Variants in CACNA1B observed in about 807,000 individuals in gnomAD.
CACNA1B encodes the protein voltage-dependent N-type calcium channel subunit alpha-1B.
CACNA1B carries 70 observed loss-of-function variants against 247.2 expected under a neutral mutation model. The ratio of observed to expected loss-of-function variants is 0.28; its 90% CI spans 0.23 to 0.35. The LOEUF is 0.35. CACNA1B is among the 10% of genes least tolerant of loss of function. The probability of loss-of-function intolerance (pLI) is 1.00; values close to 1 mark genes in which losing one functional copy is unlikely to be tolerated. For synonymous variants in CACNA1B, 1,231 were observed against 1,294.4 expected, an observed-to-expected ratio of 0.95 and a Z score of 1.05; for missense variants, 2,367 against 3,197.4, an observed-to-expected ratio of 0.74 and a Z score of 6.26.
chr9:137,996,671 A>T (rs1264117949), intron 15 of CACNA1B, among the ~76,000 whole-genome samples: 2 of 152,194 alleles, frequency 1.3e-5, no homozygotes, highest in Admixed American at 1.3e-4. Context: ...AATTTTAAAA[A>T]ATTTAATAAT....
Position 138,037,681 on chromosome 9 carries a change from AAG to A in CACNA1B, c.3287-6087_3287-6086del, listed in dbSNP as rs369852833. Among the ~76,000 whole-genome samples the A allele has an allele frequency of 7.7e-3, 1,174 of 152,166 alleles. 8 individuals carry two copies. Among genetic ancestry groups the A allele is most frequent in the African/African-American group, 0.026 (1,080 of 41,512 alleles). ...CTCAAAAAAAACAAACAAAAAAAAA[AAG>A]AGAGAAAAAATCCAGTTCCCTTCTT... On this transcript the variant is annotated intron_variant, in intron 20 of 46. Transcript: ENST00000371372.
rs539344295 is a variant in CACNA1B at position 137,998,250 on chromosome 9, T to A, written c.1975-8517T>A. ...TATTCATTGCATCTTTCGGAGTGTT[T>A]AAAATATTGTGTAATTGAAAAATAA... On this transcript the variant is annotated intron_variant, in intron 15 of 46. Coordinates refer to ENST00000371372, the MANE Select transcript of CACNA1B (RefSeq NM_000718.4). Among the ~76,000 whole-genome samples, 3 of 152,258 alleles carry A rather than the reference T, an allele frequency of 2.0e-5. No individual in the cohort carries two copies. The East Asian group carries it at 5.8e-4, about 29-fold the overall frequency.
At chr9:138,108,375 G>T (rs900829837) in intron 39 of CACNA1B, among the ~76,000 whole-genome samples, 7 of 145,756 alleles carry the variant, frequency 4.8e-5, no homozygotes, top group Non-Finnish European at 9.0e-5. Context: ...ATTAAGTTTA[G>T]AGTGGAAAAA....
intron 18 of CACNA1B, among the ~76,000 whole-genome samples, chr9:138,013,919 C>T (rs963772339): frequency 1.3e-5 from 2 of 152,204 alleles, no homozygotes; most frequent in Admixed American, 1.3e-4. Context: ...TTACTGGGAG[C>T]TTGTTCTCTA....
intron 39 of CACNA1B, among the ~76,000 whole-genome samples, chr9:138,106,922 G>A (rs1961448024): frequency 2.0e-5 from 3 of 152,094 alleles, no homozygotes; most frequent in South Asian, 2.1e-4. Context: ...AGGCCTCCAC[G>A]TTGCTCGACT....
At chr9:137,879,206 ACTCCAC>A in intron 2 of CACNA1B, 47 bp downstream of exon 2, 1 of 1,228,706 alleles carries the variant, frequency 8.1e-7, no homozygotes. Flanking sequence ...GGAGGCCGCG[ACTCCAC>A]TTTCCTTTAT....
intron 20 of CACNA1B, among the ~76,000 whole-genome samples, chr9:138,040,161 A>G (rs1047101035): frequency 5.3e-5 from 8 of 151,534 alleles, no homozygotes; most frequent in African/African-American, 1.9e-4. Context: ...CTGGTCTTGA[A>G]CTCCTGGGCT....
intron 3 of CACNA1B, among the ~76,000 whole-genome samples, chr9:137,905,517 A>T (rs549114641): frequency 6.6e-6 from 1 of 152,292 alleles, no homozygotes; most frequent in South Asian, 2.1e-4. Context: ...CTGTAACTAG[A>T]CCTTCCTAAG....
chr9:138,105,623 A>AC, intron 38 of CACNA1B, 76 bp from the exon 39 acceptor site: 1 of 781,206 alleles, frequency 1.3e-6, no homozygotes, highest in Non-Finnish European at 2.2e-6. Flanking sequence ...GCATCCAGGG[A>AC]CCCCATCATT....
intron 18 of CACNA1B, among the ~76,000 whole-genome samples, chr9:138,016,160 A>G (rs1314293454): frequency 6.6e-6 from 1 of 152,088 alleles, no homozygotes; most frequent in African/African-American, 2.4e-5. Flanking sequence ...AATCTCACAC[A>G]TTCACACACA....
intron 6 of CACNA1B, among the ~76,000 whole-genome samples, chr9:137,947,847 C>T (rs369277663): frequency 4.6e-5 from 7 of 151,968 alleles, no homozygotes; most frequent in South Asian, 4.2e-4. Flanking sequence ...TTTTCTGCTG[C>T]GTTCAAGATT....
chr9:137,923,015 AC>A (rs1957504965), intron 6 of CACNA1B, among the ~76,000 whole-genome samples: 1 of 152,226 alleles, frequency 6.6e-6, no homozygotes. Flanking sequence ...TGAGAATGTT[AC>A]GTGGACAAAA....
chr9:138,107,255 TTTATTTATTTA>T (rs765009467), intron 39 of CACNA1B, among the ~76,000 whole-genome samples: 1,628 of 106,056 alleles, frequency 0.015, 15 homozygotes, highest in Middle Eastern at 0.027. Flanking sequence ...TATTTATTTA[TTTATTTATTTA>T]TATAGGGTCT....
intron 20 of CACNA1B, chr9:138,040,506 T>C (rs1050250686): frequency 1.0e-5 from 4 of 385,716 alleles, no homozygotes; most frequent in Non-Finnish European, 2.0e-5. Context: ...AAATGATATA[T>C]GTATGGGAGT....
At position 137,917,069 on chromosome 9, in the gene CACNA1B, G is replaced by A. The variant is rs1957421125; in HGVS notation, c.776-172G>A. 6.6e-6 allele frequency among the ~76,000 whole-genome samples: 1 copy of A among 152,184 alleles called. No individual in the cohort carries two copies. Among genetic ancestry groups the A allele is most frequent in the East Asian group, 1.9e-4 (1 of 5,192 alleles). ...CTCGTGAGCTCGGGGTCAGCAAGAG[G>A]CGATGCCTGATGCAGATTCGAGGAG... On this transcript the variant is annotated intron_variant, in intron 5 of 46. Coordinates refer to ENST00000371372, the MANE Select transcript of CACNA1B (RefSeq NM_000718.4). This position sits in a 1 kb window ranked among gnomAD's most constrained non-coding sequence, Gnocchi z 5.5.
intron 20 of CACNA1B, among the ~76,000 whole-genome samples, chr9:138,034,733 T>G (rs1183945014): frequency 3.3e-5 from 5 of 152,182 alleles, no homozygotes; most frequent in Non-Finnish European, 7.3e-5. Flanking sequence ...ATTTTCTTTC[T>G]TCCTTCTACC....
intron 3 of CACNA1B, among the ~76,000 whole-genome samples, chr9:137,898,842 C>A (rs1475239730): frequency 6.6e-6 from 1 of 151,970 alleles, no homozygotes; most frequent in Admixed American, 6.6e-5. Flanking sequence ...TCCCCATGCC[C>A]ACTTAATTTT....
chr9:138,107,218 TTTTA>T lies in CACNA1B; in HGVS notation c.5428+1457_5428+1460del, dbSNP rs56043117. Among the ~76,000 whole-genome samples the T allele has an allele frequency of 9.2e-3, 1,244 of 135,770 alleles. 15 individuals are homozygous for T. The highest frequency in any genetic ancestry group is 0.078 in the South Asian group (314 of 4,034). 89.1% of individuals were successfully genotyped at this position (135,770 alleles called of 152,430 possible). ...AGCCGAAACCTTAGAAATCATCTTA[TTTTA>T]TTTATTTATTTATTTATTTATTTAT... On this transcript the variant is annotated intron_variant, in intron 39 of 46. Transcript: ENST00000371372.
rs1300072486 is a variant in CACNA1B at position 138,073,238 on chromosome 9, G to A, written c.4675-250G>A. Among the ~76,000 whole-genome samples, 1 of 152,252 alleles carries A rather than the reference G, an allele frequency of 6.6e-6. No individual in the cohort carries two copies. Among genetic ancestry groups the A allele is most frequent in the East Asian group, 1.9e-4 (1 of 5,206 alleles). On this transcript the variant is annotated intron_variant, in intron 32 of 46. Transcript: ENST00000371372. This position sits in a 1 kb window ranked among gnomAD's most constrained non-coding sequence, Gnocchi z 6.4. Reference sequence around the variant, plus strand: ...TGCTCACGGTTGGGGGTGGGGAGGGGCCTTAGAGCCAAGGAGGTTTTCTCT... The same window carrying A: ...TGCTCACGGTTGGGGGTGGGGAGGGACCTTAGAGCCAAGGAGGTTTTCTCT...
Sources: allele counts gnomAD v4.1 joint callset (sites outside exome capture counted in the v4.1 genomes callset), GRCh38; gene constraint gnomAD v4.1.1; non-coding constraint Gnocchi (gnomAD v3.1); transcripts MANE v1.5; gene names NCBI Gene and HGNC (gene_info 2026-07-23, HGNC 2026-07-21).